MAP3K21: variants seen among roughly 807,000 people sequenced by gnomAD.
MAP3K21 encodes mitogen-activated protein kinase kinase kinase MLK4.
In MAP3K21, 63 loss-of-function variants were observed where a neutral mutation model predicts 86.1. The ratio of observed to expected loss-of-function variants is 0.73; its 90% CI spans 0.60 to 0.90. The LOEUF (loss-of-function observed/expected upper bound fraction) is 0.90. MAP3K21 is among the 40% of genes least tolerant of loss of function. The pLI is 0.00. For missense variants in MAP3K21, 1,220 were observed against 1,367.7 expected (o/e 0.89, Z 1.70); for synonymous variants, 558 against 564.8 (o/e 0.99, Z 0.17).
At chr1:233,365,579 G>T (rs1412809375) in intron 5 of MAP3K21, among the ~76,000 whole-genome samples, 5 of 152,200 alleles carry the variant, frequency 3.3e-5, no homozygotes, top group African/African-American at 1.2e-4. Context: ...CAGTGAGCTA[G>T]CTCACCTTAG....
intron 8 of MAP3K21, among the ~76,000 whole-genome samples, chr1:233,377,187 T>C (rs1663814730): frequency 1.3e-5 from 2 of 152,232 alleles, no homozygotes; most frequent in Non-Finnish European, 2.9e-5. Flanking sequence ...TGAATCATAA[T>C]GATTTACTTT....
intron 2 of MAP3K21, among the ~76,000 whole-genome samples, chr1:233,352,721 G>A (rs1404544195): frequency 6.6e-6 from 1 of 152,136 alleles, no homozygotes; most frequent in Non-Finnish European, 1.5e-5. Flanking sequence ...GTGAGCCACT[G>A]TACCTGGCAA....
In MAP3K21 at chr1:233,328,193, C is replaced by G. The variant is rs1662732004; in HGVS notation, c.165C>G (p.Asp55Glu). The part of the protein sequence containing the change: ...ALYDYEARGE[D>E]ELSLRRGQLV... Reference sequence around the variant, plus strand: ...ATGACTACGAGGCTCGCGGCGAGGACGAGCTGAGCCTGCGGCGCGGCCAGC... The same window carrying G: ...ATGACTACGAGGCTCGCGGCGAGGAGGAGCTGAGCCTGCGGCGCGGCCAGC... The change falls in exon 1 of 10, where the codon GAC becomes GAG. Residue 55 changes from aspartate (D) to glutamate (E), a missense_variant. Asp to Glu is a conservative substitution (Grantham distance 45). Coordinates refer to ENST00000366624, the MANE Select transcript of MAP3K21 (RefSeq NM_032435.3). This position sits in a 1 kb window ranked among gnomAD's most constrained non-coding sequence, Gnocchi z 8.7. The G allele has an allele frequency of 6.7e-7, 1 of 1,482,880 alleles. No individual in the cohort carries two copies. The highest frequency in any genetic ancestry group is 2.9e-5 in the East Asian group (1 of 34,000). 91.9% of individuals were successfully genotyped at this position (1,482,880 alleles called of 1,614,324 possible).
chr1:233,369,220 CAAAAAA>C (rs35461412), intron 5 of MAP3K21, among the ~76,000 whole-genome samples: 16 of 105,640 alleles, frequency 1.5e-4, no homozygotes, highest in African/African-American at 2.9e-4. Flanking sequence ...TAGTAAAATA[CAAAAAA>C]AAAAAAAAAA....
intron 5 of MAP3K21, among the ~76,000 whole-genome samples, chr1:233,368,259 A>G (rs910378726): frequency 6.6e-6 from 1 of 152,188 alleles, no homozygotes; most frequent in Non-Finnish European, 1.5e-5. Flanking sequence ...TCTATGGTTA[A>G]GAATTTTTTT....
At chr1:233,330,817 G>A (rs1662795837) in intron 1 of MAP3K21, among the ~76,000 whole-genome samples, 2 of 152,228 alleles carry the variant, frequency 1.3e-5, no homozygotes, top group African/African-American at 4.8e-5. Context: ...ACACAGGGTA[G>A]AGAATGTTTG....
chr1:233,328,697 GC>G lies in MAP3K21; in HGVS notation c.672del (p.Gly225AlafsTer20), dbSNP rs1287711105. 56 of 1,366,714 alleles carry G rather than the reference GC, an allele frequency of 4.1e-5. No individual in the cohort carries two copies. Among genetic ancestry groups the G allele is most frequent in the Non-Finnish European group, 5.0e-5 (53 of 1,055,216 alleles). The allele number at this position is 1,366,714 out of a possible 1,614,324, so 84.7% of individuals were successfully genotyped here. On this transcript the variant is annotated frameshift_variant, in exon 1 of 10. Transcript: ENST00000366624. LOFTEE classifies it high-confidence loss of function. This position sits in a 1 kb window ranked among gnomAD's most constrained non-coding sequence, Gnocchi z 8.7. ...AANAAPDPRA[P>X]GPRRARRIPP... Reference sequence around the variant, plus strand: ...CCAACGCCGCCCCGGACCCGCGCGCGCCCGGCCCCCGCCGCGCGCGCCGCAT... The same window carrying G: ...CCAACGCCGCCCCGGACCCGCGCGCGCCGGCCCCCGCCGCGCGCGCCGCAT...
chr1:233,338,854 T>C (rs770292636), intron 1 of MAP3K21, among the ~76,000 whole-genome samples: 2 of 152,304 alleles, frequency 1.3e-5, no homozygotes, highest in Non-Finnish European at 2.9e-5. Flanking sequence ...GGCAGCAGTT[T>C]TGAAATTTGA....
At chr1:233,378,389 T>A (rs1214324363) in intron 8 of MAP3K21, among the ~76,000 whole-genome samples, 1 of 152,220 alleles carries the variant, frequency 6.6e-6, no homozygotes, top group East Asian at 1.9e-4. Flanking sequence ...TCAGAATTTC[T>A]GATTCCATAG....
At chr1:233,356,224 G>C (rs1403201170) in intron 4 of MAP3K21, among the ~76,000 whole-genome samples, 2 of 152,114 alleles carry the variant, frequency 1.3e-5, no homozygotes, top group African/African-American at 4.8e-5. Flanking sequence ...CTCTTATCAT[G>C]GCATAAGTCA....
At chr1:233,340,854 T>G (rs1390175130) in intron 1 of MAP3K21, among the ~76,000 whole-genome samples, 2 of 152,212 alleles carry the variant, frequency 1.3e-5, no homozygotes, top group African/African-American at 4.8e-5. Flanking sequence ...CATTTCCAGT[T>G]AAAGATTAAT....
At position 233,353,936 on chromosome 1, in the gene MAP3K21, G is replaced by T; in HGVS notation, c.1116G>T (p.Pro372=). 1 of 1,604,194 alleles carries T rather than the reference G, an allele frequency of 6.2e-7. No homozygotes were observed. Among genetic ancestry groups the T allele is most frequent in the Non-Finnish European group, 8.5e-7 (1 of 1,175,850 alleles). ...CCATTCCATCCACCTGCCCTGAGCC[G>T]TTTGCCAAGCTCATGAAAGGTATTG... ...TLPIPSTCPE[P]FAKLMKECWQ... Residue 372 remains proline (P), a synonymous_variant, in exon 3 of 10, where the codon CCG becomes CCT. Transcript: ENST00000366624.
intron 4 of MAP3K21, among the ~76,000 whole-genome samples, chr1:233,357,360 A>G (rs1243311905): frequency 6.6e-6 from 1 of 152,148 alleles, no homozygotes; most frequent in Non-Finnish European, 1.5e-5. Flanking sequence ...ATATGTAAGA[A>G]ACCTGCACGT....
At chr1:233,366,532 A>G (rs1663577177) in intron 5 of MAP3K21, among the ~76,000 whole-genome samples, 2 of 152,166 alleles carry the variant, frequency 1.3e-5, no homozygotes, top group Admixed American at 6.5e-5. Context: ...TAAATGGCAC[A>G]CTGTTCAGGG....
intron 1 of MAP3K21, among the ~76,000 whole-genome samples, chr1:233,333,520 G>T (rs555587935): frequency 1.2e-4 from 19 of 152,072 alleles, no homozygotes; most frequent in Non-Finnish European, 2.4e-4. Context: ...AGGCCAAGGT[G>T]GGAGGATCGC....
chr1:233,339,126 C>T (rs182158050), intron 1 of MAP3K21, among the ~76,000 whole-genome samples: 25 of 152,024 alleles, frequency 1.6e-4, no homozygotes, highest in South Asian at 1.2e-3. Context: ...AATGATCAAC[C>T]GTATCAAATG....
At chr1:233,353,983 G>T (rs199874457) in intron 3 of MAP3K21, 28 bp downstream of exon 3, 2 of 1,439,468 alleles carry the variant, frequency 1.4e-6, no homozygotes, top group East Asian at 2.5e-5. Flanking sequence ...GTGTGTCTTT[G>T]TGGGGGCAAG....
At chr1:233,363,651 G>A (rs1663509840) in intron 5 of MAP3K21, among the ~76,000 whole-genome samples, 1 of 147,684 alleles carries the variant, frequency 6.8e-6, no homozygotes, top group Non-Finnish European at 1.5e-5. Flanking sequence ...GCAGTGACCC[G>A]AGATCACACC....
At position 233,379,366 on chromosome 1, in the gene MAP3K21, C is replaced by A; in HGVS notation, c.2360C>A (p.Ala787Asp). 1.2e-6 allele frequency: 2 copies of A among 1,614,176 alleles called. No individual in the cohort carries two copies. The highest frequency in any genetic ancestry group is 2.2e-5 in the South Asian group (2 of 91,088). Residue 787 changes from alanine to aspartate, a missense_variant, in exon 9 of 10, where the codon GCC becomes GAC. Ala to Asp is a moderately radical substitution (Grantham distance 126, BLOSUM62 -2). Around this residue, in one of 5 missense-constraint regions of MAP3K21, gnomAD observed 632 missense variants for 691.3 expected, o/e 0.91. Transcript: ENST00000366624. ...PTSLPSTCGE[A>D]SSPPSLPLSS... ...AGCCTGCCATCCACCTGTGGGGAGG[C>A]CAGCAGCCCACCCTCCCTGCCACTG...
Sources: allele counts gnomAD v4.1 joint callset (sites outside exome capture counted in the v4.1 genomes callset), GRCh38; gene constraint gnomAD v4.1.1; regional missense constraint gnomAD v4.1.1; non-coding constraint Gnocchi (gnomAD v3.1); transcripts MANE v1.5; gene names NCBI Gene and HGNC (gene_info 2026-07-23, HGNC 2026-07-21).